The following ADAMTS19 variants were observed in gnomAD, a reference collection of about 807,000 sequenced individuals.
The protein encoded by ADAMTS19 is A disintegrin and metalloproteinase with thrombospondin motifs 19.
In ADAMTS19, 93 loss-of-function variants were observed where a neutral mutation model predicts 153.3. The ratio of observed to expected loss-of-function variants is 0.61; its 90% confidence interval spans 0.51 to 0.72. ADAMTS19 has a LOEUF of 0.72. Among genes scored for constraint, ADAMTS19 ranks in the 30% least tolerant of loss-of-function variants. ADAMTS19 has a pLI of 0.00. For synonymous variants in ADAMTS19, 600 were observed against 556.6 expected (o/e 1.08, Z -1.10); for missense variants, 1,482 against 1,552.1 (o/e 0.95, Z 0.76).
intron 7 of ADAMTS19, among the ~76,000 whole-genome samples, chr5:129,588,229 T>C (rs1365401336): frequency 2.6e-5 from 4 of 152,158 alleles, no homozygotes; most frequent in African/African-American, 9.6e-5. Context: ...ATCCACTTTT[T>C]AGGAGGAAGA....
chr5:129,646,115 C>G (rs1753057240), intron 11 of ADAMTS19, among the ~76,000 whole-genome samples: 1 of 151,220 alleles, frequency 6.6e-6, no homozygotes, highest in Non-Finnish European at 1.5e-5. Context: ...GTCTCGATCT[C>G]CTGACCTCGT....
chr5:129,595,059 C>CT (rs1281110017), intron 7 of ADAMTS19, among the ~76,000 whole-genome samples: 1 of 152,054 alleles, frequency 6.6e-6, no homozygotes, highest in Non-Finnish European at 1.5e-5. Context: ...TGTATTTCGT[C>CT]TTTTTGCTGT....
chr5:129,683,421 A>G (rs1754918437), intron 17 of ADAMTS19, among the ~76,000 whole-genome samples: 1 of 152,074 alleles, frequency 6.6e-6, no homozygotes, highest in Non-Finnish European at 1.5e-5. Flanking sequence ...ATATATATAT[A>G]TGTGCATAAC....
In ADAMTS19 at chr5:129,700,965, A is replaced by G. The variant is rs189963973; in HGVS notation, c.2955-423A>G. On this transcript the variant is annotated intron_variant, in intron 19 of 22. Transcript: ENST00000274487. The stretch of plus-strand genomic sequence containing the variant: ...GCTAACTCTAGACGTGTCAAAATAT[A>G]TGGTAGTGATACGCTTTGACTGTGT... Among the ~76,000 whole-genome samples the G allele has an allele frequency of 3.3e-5, 5 of 151,952 alleles. No homozygotes were observed. In the East Asian group the frequency reaches 9.7e-4, roughly 29 times the overall value.
intron 21 of ADAMTS19, among the ~76,000 whole-genome samples, chr5:129,710,702 G>C (rs4458617): frequency 1.6e-4 from 25 of 152,242 alleles, no homozygotes; most frequent in African/African-American, 6.0e-4. Context: ...TAGTATGTCA[G>C]ACTTATCACA....
At chr5:129,478,355 G>C (rs1032389789) in intron 2 of ADAMTS19, among the ~76,000 whole-genome samples, 6 of 151,844 alleles carry the variant, frequency 4.0e-5, no homozygotes, top group African/African-American at 1.5e-4. Flanking sequence ...TAATAATGTG[G>C]GATACTCTTA....
rs112501121 is a variant in ADAMTS19, at chr5:129,600,312, G to A, written c.1478+3648G>A. Among the ~76,000 whole-genome samples, 409 of 151,926 alleles carry A rather than the reference G, an allele frequency of 2.7e-3. 1 individual carries two copies. Among genetic ancestry groups the A allele is most frequent in the African/African-American group, 5.6e-3 (231 of 41,436 alleles). On this transcript the variant is annotated intron_variant, in intron 8 of 22. Transcript: ENST00000274487. Reference sequence around the variant, plus strand: ...CTTTAATCCTATATTTTTCTTTTTCGTTTTGGATTTCCTTCTTTCTTTTTT... The same window carrying A: ...CTTTAATCCTATATTTTTCTTTTTCATTTTGGATTTCCTTCTTTCTTTTTT...
At chr5:129,691,679 A>C (rs1755344342) in intron 18 of ADAMTS19, among the ~76,000 whole-genome samples, 1 of 152,164 alleles carries the variant, frequency 6.6e-6, no homozygotes, top group African/African-American at 2.4e-5. Flanking sequence ...CCTAGCTGCC[A>C]AACCTTACAA....
chr5:129,633,344 T>C (rs1752392171), intron 10 of ADAMTS19, among the ~76,000 whole-genome samples: 1 of 152,170 alleles, frequency 6.6e-6, no homozygotes, highest in African/African-American at 2.4e-5. Flanking sequence ...AACACATGTG[T>C]CATCTCAGGT....
chr5:129,611,143 T>C (rs941118970), intron 8 of ADAMTS19, among the ~76,000 whole-genome samples: 2 of 152,204 alleles, frequency 1.3e-5, no homozygotes, highest in Non-Finnish European at 2.9e-5. Context: ...TCGTTTGCTT[T>C]TCTCTTGTAA....
At position 129,641,892 on chromosome 5, in the gene ADAMTS19, G is replaced by C. The variant is rs763192885; in HGVS notation, c.1804G>C (p.Glu602Gln). The C allele has an allele frequency of 2.5e-6, 4 of 1,603,288 alleles. No homozygotes were observed. Among genetic ancestry groups the C allele is most frequent in the Non-Finnish European group, 3.4e-6 (4 of 1,173,588 alleles). ...VICTGLWCKV[E>Q]GEKECRTKLD... Reference sequence around the variant, plus strand: ...TTGCACAGGATTATGGTGCAAGGTAGAAGGTGAGAAAGAATGCAGAACCAA... The same window carrying C: ...TTGCACAGGATTATGGTGCAAGGTACAAGGTGAGAAAGAATGCAGAACCAA... The change falls in exon 11 of 23, where the codon GAA becomes CAA. Residue 602 changes from glutamate to glutamine, a missense_variant. By Grantham distance (29) the Glu-to-Gln change is conservative. Coordinates refer to ENST00000274487, the MANE Select transcript of ADAMTS19 (RefSeq NM_133638.6).
chr5:129,655,214 A>G (rs1753493344), intron 14 of ADAMTS19, among the ~76,000 whole-genome samples: 1 of 152,220 alleles, frequency 6.6e-6, no homozygotes, highest in Admixed American at 6.5e-5. Context: ...ACAAGACCTT[A>G]GCTGACCCTG....
At position 129,737,520 on chromosome 5, in the gene ADAMTS19, G is replaced by A. The variant is rs1286308254; in HGVS notation, c.*302G>A. ...TAAAACAAGTTTTCGTTGTTTGTTA[G>A]GGCTATCTCTAAGGTGCTACTCTCT... On this transcript the variant is annotated 3_prime_UTR_variant, in exon 23 of 23. Coordinates refer to ENST00000274487, the MANE Select transcript of ADAMTS19 (RefSeq NM_133638.6). 1.2e-5 allele frequency: 2 copies of A among 173,320 alleles called. No homozygotes were observed. Among genetic ancestry groups the A allele is most frequent in the South Asian group, 1.5e-4 (1 of 6,600 alleles). 10.7% of individuals were successfully genotyped at this position (173,320 alleles called of 1,614,324 possible).
At chr5:129,598,145 A>T (rs1750470830) in intron 8 of ADAMTS19, among the ~76,000 whole-genome samples, 1 of 152,300 alleles carries the variant, frequency 6.6e-6, no homozygotes, top group South Asian at 2.1e-4. Context: ...TGCCAACATT[A>T]AAAAAGTGTA....
intron 3 of ADAMTS19, among the ~76,000 whole-genome samples, chr5:129,520,416 G>A (rs1751759216): frequency 6.6e-6 from 1 of 152,124 alleles, no homozygotes; most frequent in African/African-American, 2.4e-5. Context: ...TTTACTGCAT[G>A]CCATACCCTG....
At chr5:129,546,185 A>G (rs1752847351) in intron 6 of ADAMTS19, among the ~76,000 whole-genome samples, 1 of 146,296 alleles carries the variant, frequency 6.8e-6, no homozygotes. Flanking sequence ...GAATTGAACA[A>G]TGAGATCACA....
chr5:129,478,714 T>C (rs75035664), intron 2 of ADAMTS19, among the ~76,000 whole-genome samples: 17 of 150,370 alleles, frequency 1.1e-4, no homozygotes, highest in South Asian at 4.2e-4. Flanking sequence ...AGTTTTTACA[T>C]TTTTTTTTGT....
intron 16 of ADAMTS19, among the ~76,000 whole-genome samples, chr5:129,678,186 C>T (rs1281925281): frequency 1.3e-5 from 2 of 152,100 alleles, no homozygotes; most frequent in African/African-American, 4.8e-5. Context: ...TTTCTCCAGC[C>T]TCCCTTCATA....
At chr5:129,529,816 A>G (rs73246877) in intron 6 of ADAMTS19, among the ~76,000 whole-genome samples, 7,435 of 152,156 alleles carry the variant, frequency 0.049, 241 homozygotes, top group African/African-American at 0.088. Flanking sequence ...AGATAGAGGA[A>G]ACTGCCCCAA....
Sources: allele counts gnomAD v4.1 joint callset (sites outside exome capture counted in the v4.1 genomes callset), GRCh38; gene constraint gnomAD v4.1.1; transcripts MANE v1.5; gene names NCBI Gene and HGNC (gene_info 2026-07-23, HGNC 2026-07-21).